Variants in HMGXB3 observed in about 807,000 individuals in gnomAD.
HMGXB3 encodes HMG-box containing 3, also known as HMG domain-containing protein 3.
HMGXB3 carries 45 observed loss-of-function variants against 121.5 expected under a neutral mutation model. That is an observed-to-expected ratio of 0.37 (90% CI 0.29 to 0.47). The LOEUF (loss-of-function observed/expected upper bound fraction) is 0.47, where lower values mean the gene tolerates loss of function less well. Ranked by LOEUF, HMGXB3 falls within the 20% of genes least tolerant of loss-of-function variation. HMGXB3 has a pLI of 0.99. For synonymous variants in HMGXB3, 590 were observed against 624.1 expected (o/e 0.95, Z 0.81); for missense variants, 1,376 against 1,602.2 (o/e 0.86, Z 2.41).
chr5:150,010,497 C>G lies in HMGXB3; in HGVS notation c.699C>G (p.Ser233Arg). 1 of 1,551,662 alleles carries G rather than the reference C, an allele frequency of 6.4e-7. No individual in the cohort carries two copies. Among genetic ancestry groups the G allele is most frequent in the Non-Finnish European group, 8.7e-7 (1 of 1,146,996 alleles). ...AGAGCCACCAACCTTACCAGACAAG[C>G]CTGGTAATTGAAGAGACCTTGGTGA... ...VGESHQPYQTSLVIEETLVNG... is the reference protein window; with the variant it reads ...VGESHQPYQTRLVIEETLVNG... The change falls in exon 4 of 20, where the codon AGC becomes AGG. Residue 233 changes from serine to arginine, a missense_variant. By Grantham distance (110) the Ser-to-Arg change is moderately radical. This residue lies in a region of HMGXB3 where 1,116 missense variants were observed against 1,369.0 expected (regional missense o/e 0.82). Transcript: ENST00000502717.
intron 5 of HMGXB3, among the ~76,000 whole-genome samples, chr5:150,017,345 A>T (rs779408468): frequency 1.6e-4 from 25 of 152,222 alleles, no homozygotes; most frequent in Non-Finnish European, 3.4e-4. Context: ...GAGATGTTTT[A>T]TATTCCACTA....
Position 150,026,869 on chromosome 5 carries a change from T to C in HMGXB3, c.1624T>C (p.Phe542Leu), listed in dbSNP as rs866264715. The C allele has an allele frequency of 2.7e-6, 4 of 1,508,772 alleles. No homozygotes were observed. The highest frequency in any genetic ancestry group is 3.6e-6 in the Non-Finnish European group (4 of 1,126,522). The allele number at this position is 1,508,772 out of a possible 1,614,324, so 93.5% of individuals were successfully genotyped here. Residue 542 changes from phenylalanine to leucine, a missense_variant, in exon 8 of 20, where the codon TTT becomes CTT. Physicochemically the swap from Phe to Leu is conservative, Grantham distance 22 (BLOSUM62 0). Around this residue, in one of 2 missense-constraint regions of HMGXB3, gnomAD observed 1,116 missense variants for 1,369.0 expected, o/e 0.82. Coordinates refer to ENST00000502717, the MANE Select transcript of HMGXB3 (RefSeq NM_014983.3). ...GGGACTGCCCAGGGCCAGGCAGGCCTTTTCCCTGAGTGGTAAGGGCTGGGA... is the reference window on the plus strand; with the variant it reads ...GGGACTGCCCAGGGCCAGGCAGGCCCTTTCCCTGAGTGGTAAGGGCTGGGA... ...SMGLPRARQA[F>L]SLSDKTPSVR...
chr5:150,027,153 GGTCTGGCT>G (rs1263199720), intron 9 of HMGXB3, 36 bp downstream of exon 9: 14 of 1,510,368 alleles, frequency 9.3e-6, no homozygotes, highest in Non-Finnish European at 1.1e-5. Context: ...GCTGTTTGAG[GGTCTGGCT>G]GCTTCCATGT....
chr5:150,043,111 A>G (rs1756676954), intron 15 of HMGXB3, among the ~76,000 whole-genome samples: 3 of 152,248 alleles, frequency 2.0e-5, no homozygotes, highest in Admixed American at 2.0e-4. Context: ...TTAACCGATT[A>G]AAGGGGAAAC....
intron 11 of HMGXB3, among the ~76,000 whole-genome samples, chr5:150,035,980 TCTTA>T (rs576214133): frequency 5.3e-5 from 8 of 152,310 alleles, no homozygotes; most frequent in East Asian, 3.9e-4. Flanking sequence ...ACTTATAATA[TCTTA>T]CTTAATCTGT....
At chr5:150,009,980 G>A in intron 3 of HMGXB3, 131 bp from the exon 4 acceptor site, 1 of 969,522 alleles carries the variant, frequency 1.0e-6, no homozygotes, top group Non-Finnish European at 1.5e-6. Context: ...GGTCAAGAGA[G>A]TAGAGTTTTT....
chr5:150,021,080 A>G (rs1756081530), intron 6 of HMGXB3, among the ~76,000 whole-genome samples: 1 of 152,200 alleles, frequency 6.6e-6, no homozygotes, highest in African/African-American at 2.4e-5. Context: ...GATCAAGCTC[A>G]TGGCATGAAA....
chr5:150,036,030 A>G (rs1006624957), intron 11 of HMGXB3, among the ~76,000 whole-genome samples: 1 of 152,164 alleles, frequency 6.6e-6, no homozygotes, highest in African/African-American at 2.4e-5. Flanking sequence ...TTTATGCCCC[A>G]TTTCACAGAT....
At chr5:150,021,967 AC>A in intron 6 of HMGXB3, 1 of 437,904 alleles carries the variant, frequency 2.3e-6, no homozygotes, top group Non-Finnish European at 4.6e-6. Context: ...GCGAGAGAGA[AC>A]AGCGGTGAGT....
chr5:150,018,520 C>CT, intron 5 of HMGXB3, 46 bp from the exon 6 acceptor site: 2 of 1,469,134 alleles, frequency 1.4e-6, no homozygotes, highest in Non-Finnish European at 1.8e-6. Context: ...GGTCATCAGT[C>CT]TGAGAGAGGT....
chr5:150,027,936 G>A (rs889621367), intron 9 of HMGXB3, among the ~76,000 whole-genome samples: 2 of 152,156 alleles, frequency 1.3e-5, no homozygotes, highest in African/African-American at 4.8e-5. Context: ...AATTCGACCT[G>A]TGAACCCTGA....
At chr5:150,049,287 A>C (rs1756834446) in intron 18 of HMGXB3, among the ~76,000 whole-genome samples, 1 of 152,046 alleles carries the variant, frequency 6.6e-6, no homozygotes, top group South Asian at 2.1e-4. Context: ...CTGATGAGGG[A>C]CCTTTTGGAT....
intron 15 of HMGXB3, among the ~76,000 whole-genome samples, chr5:150,043,327 G>A (rs1284254227): frequency 2.0e-5 from 3 of 152,188 alleles, no homozygotes; most frequent in Non-Finnish European, 4.4e-5. Context: ...CAGGGACTGC[G>A]CCTTGAATAT....
chr5:150,011,603 GGTTTTTTTT>G (rs1321619666), intron 4 of HMGXB3, among the ~76,000 whole-genome samples: 2 of 143,208 alleles, frequency 1.4e-5, no homozygotes, highest in African/African-American at 5.6e-5. Context: ...GTTTTTTTTT[GGTTTTTTTT>G]TTTTTTTTTG....
intron 2 of HMGXB3, among the ~76,000 whole-genome samples, chr5:150,005,613 AAG>A (rs1491452695): frequency 2.7e-5 from 4 of 150,382 alleles, no homozygotes; most frequent in African/African-American, 7.3e-5. Context: ...AAAAAAAAAA[AAG>A]AAAAGAAAAA....
chr5:150,048,636 C>T lies in HMGXB3; in HGVS notation c.3152C>T (p.Pro1051Leu). The T allele has an allele frequency of 6.4e-7, 1 of 1,551,902 alleles. No homozygotes were observed. The highest frequency in any genetic ancestry group is 1.2e-5 in the South Asian group (1 of 84,056). Residue 1051 changes from proline to leucine, a missense_variant, in exon 18 of 20, where the codon CCC becomes CTC. Physicochemically the swap from Pro to Leu is moderately conservative, Grantham distance 98 (BLOSUM62 -3). This residue lies in a region of HMGXB3 where 1,116 missense variants were observed against 1,369.0 expected (regional missense o/e 0.82). Transcript: ENST00000502717. ...SVQNGARAIR[P>L]PRHFTGGKIY... Reference sequence around the variant, plus strand: ...CAGAATGGAGCTAGAGCTATACGGCCCCCACGTCACTTCACAGGTGGTAAA... The same window carrying T: ...CAGAATGGAGCTAGAGCTATACGGCTCCCACGTCACTTCACAGGTGGTAAA...
In HMGXB3 at chr5:150,006,741, T is replaced by C. The variant is rs147119330; in HGVS notation, c.312+94T>C. On this transcript the variant is annotated intron_variant, in intron 3 of 19. Coordinates refer to ENST00000502717, the MANE Select transcript of HMGXB3 (RefSeq NM_014983.3). ...CCCTTGTTCTGTTTCCTTTTCTTTTTTTGGGAAAAGTTTCATCGTTTTATC... is the reference window on the plus strand; with the variant it reads ...CCCTTGTTCTGTTTCCTTTTCTTTTCTTGGGAAAAGTTTCATCGTTTTATC... 8,966 of 1,169,422 alleles carry C rather than the reference T, an allele frequency of 7.7e-3. 29 individuals are homozygous for C. Among genetic ancestry groups the C allele is most frequent in the Non-Finnish European group, 9.5e-3 (8,009 of 840,160 alleles). 72.4% of individuals were successfully genotyped at this position (1,169,422 alleles called of 1,614,324 possible).
At chr5:150,051,699 A>G in intron 19 of HMGXB3, 26 bp from the exon 20 acceptor site, 1 of 1,481,888 alleles carries the variant, frequency 6.7e-7, no homozygotes, top group South Asian at 1.3e-5. Context: ...CCTTCTTATC[A>G]AAATGCATTC....
chr5:150,005,154 A>G (rs1053231118), intron 2 of HMGXB3, among the ~76,000 whole-genome samples, 165 bp downstream of exon 2: 2 of 152,142 alleles, frequency 1.3e-5, no homozygotes, highest in Non-Finnish European at 2.9e-5. Context: ...CAGCATTGCC[A>G]TTACTGGCCA....
Sources: gnomAD v4.1 joint callset for allele counts (sites outside exome capture counted in the v4.1 genomes callset) on GRCh38, gnomAD v4.1.1 for gene constraint, gnomAD v4.1.1 regional missense constraint, MANE v1.5 for transcripts, NCBI Gene and HGNC (gene_info 2026-07-23, HGNC 2026-07-21) for gene names.